The following GPAT3 variants were observed in gnomAD, a reference collection of about 807,000 sequenced individuals.
The protein encoded by GPAT3 is glycerol-3-phosphate acyltransferase 3.
GPAT3 carries 53 observed loss-of-function variants against 58.8 expected under a neutral mutation model. The observed-to-expected ratio is 0.90, with a 90% CI of 0.72 to 1.13. GPAT3 has a LOEUF of 1.13. Among genes scored for constraint, GPAT3 ranks in the 50% most tolerant of loss-of-function variants. GPAT3 has a pLI of 0.00. For missense variants in GPAT3, 511 were observed against 527.6 expected, an observed-to-expected ratio of 0.97 and a Z score of 0.31; for synonymous variants, 197 against 187.4, an observed-to-expected ratio of 1.05 and a Z score of -0.42.
chr4:83,575,066 T>C (rs1004946973), intron 2 of GPAT3, among the ~76,000 whole-genome samples: 11 of 151,676 alleles, frequency 7.3e-5, no homozygotes, highest in Non-Finnish European at 1.0e-4. Flanking sequence ...TTAGTAGAGG[T>C]GGGGTTTCAC....
intron 2 of GPAT3, 96 bp from the exon 3 acceptor site, chr4:83,581,466 G>T: frequency 7.6e-7 from 1 of 1,318,792 alleles, no homozygotes; most frequent in African/African-American, 1.5e-5. Flanking sequence ...TTATTTACTT[G>T]TTTGGCATAT....
intron 2 of GPAT3, among the ~76,000 whole-genome samples, chr4:83,548,013 T>C (rs1341597230): frequency 6.6e-6 from 1 of 152,190 alleles, no homozygotes; most frequent in East Asian, 1.9e-4. Context: ...CTTTTCCTCA[T>C]TGTTAACACA....
intron 8 of GPAT3, 71 bp from the exon 9 acceptor site, chr4:83,597,359 T>G: frequency 1.2e-6 from 1 of 825,936 alleles, no homozygotes; most frequent in Non-Finnish European, 1.7e-6. Context: ...TCAAAATAAT[T>G]TCTTTTAAAA....
intron 7 of GPAT3, 55 bp from the exon 8 acceptor site, chr4:83,596,803 G>T: frequency 7.3e-7 from 1 of 1,374,924 alleles, no homozygotes; most frequent in South Asian, 1.2e-5. Context: ...TATCAAAAAG[G>T]ACATCCACCT....
chr4:83,587,696 G>T (rs1357012945), intron 4 of GPAT3, among the ~76,000 whole-genome samples: 4 of 152,188 alleles, frequency 2.6e-5, no homozygotes, highest in Non-Finnish European at 5.9e-5. Flanking sequence ...AAAGTGCTGG[G>T]ATTACAGGTG....
At chr4:83,588,393 G>A in intron 5 of GPAT3, 94 bp downstream of exon 5, 1 of 1,199,580 alleles carries the variant, frequency 8.3e-7, no homozygotes, top group Non-Finnish European at 1.2e-6. Flanking sequence ...AGAAGTGGGT[G>A]GAGTCAGAGT....
At chr4:83,580,122 T>C (rs537934617) in intron 2 of GPAT3, among the ~76,000 whole-genome samples, 8 of 152,336 alleles carry the variant, frequency 5.3e-5, no homozygotes, top group Non-Finnish European at 8.8e-5. Context: ...TTGAAGACTT[T>C]CTCATTTTTT....
intron 2 of GPAT3, among the ~76,000 whole-genome samples, chr4:83,556,500 G>GA (rs1292753675): frequency 1.6e-3 from 205 of 127,638 alleles, no homozygotes; most frequent in African/African-American, 2.9e-3. Context: ...TCAGTCTCAA[G>GA]AAAAAAAAAA....
At chr4:83,604,115 AGGCT>A (rs1727167295) in intron 11 of GPAT3, among the ~76,000 whole-genome samples, 1 of 152,160 alleles carries the variant, frequency 6.6e-6, no homozygotes. Context: ...CTTGTTGCCC[AGGCT>A]GGAGTGCAAT....
chr4:83,588,441 C>A, intron 5 of GPAT3, 142 bp downstream of exon 5: 1 of 686,220 alleles, frequency 1.5e-6, no homozygotes. Context: ...CAGTGTGGCA[C>A]AGGCATGATG....
chr4:83,574,028 C>T (rs752546647), intron 2 of GPAT3, among the ~76,000 whole-genome samples: 4 of 152,114 alleles, frequency 2.6e-5, no homozygotes, highest in African/African-American at 4.8e-5. Flanking sequence ...CTTTCTATTT[C>T]ATGCTATTAC....
At chr4:83,549,101 T>C (rs781427980) in intron 2 of GPAT3, among the ~76,000 whole-genome samples, 3 of 150,296 alleles carry the variant, frequency 2.0e-5, no homozygotes, top group Non-Finnish European at 4.4e-5. Context: ...CCCAGATACT[T>C]GAGAGGCTGA....
intron 2 of GPAT3, 58 bp downstream of exon 2, chr4:83,544,660 T>C: frequency 1.3e-6 from 2 of 1,497,566 alleles, no homozygotes; most frequent in Non-Finnish European, 1.9e-6. Flanking sequence ...GATGTAAACC[T>C]ACCCAATTTG....
intron 2 of GPAT3, among the ~76,000 whole-genome samples, chr4:83,560,470 T>C (rs1465611662): frequency 6.6e-6 from 1 of 152,192 alleles, no homozygotes; most frequent in Non-Finnish European, 1.5e-5. Context: ...CATACGTACC[T>C]GCTCATTTCA....
chr4:83,536,959 G>A (rs1047690189), intron 1 of GPAT3, among the ~76,000 whole-genome samples, 196 bp downstream of exon 1: 1 of 152,224 alleles, frequency 6.6e-6, no homozygotes, highest in Non-Finnish European at 1.5e-5. Context: ...GAGGGATCTA[G>A]GCTGGAACCA....
chr4:83,579,078 C>CT lies in GPAT3; in HGVS notation c.209-2482dup, dbSNP rs1560621415. Among the ~76,000 whole-genome samples the CT allele has an allele frequency of 4.9e-3, 121 of 24,846 alleles. 7 individuals carry two copies. The highest frequency in any genetic ancestry group is 0.036 in the Middle Eastern group (1 of 28). 16.3% of individuals were successfully genotyped at this position (24,846 alleles called of 152,430 possible). On this transcript the variant is annotated intron_variant, in intron 2 of 11. Coordinates refer to ENST00000264409, the MANE Select transcript of GPAT3 (RefSeq NM_032717.5). Reference sequence around the variant, plus strand: ...TCTTTCTTTCTTTCTTTCTTTCTTTCTTCCCTTCCTTCCTTCCTTCCTTCC... The same window carrying CT: ...TCTTTCTTTCTTTCTTTCTTTCTTTCTTTCCCTTCCTTCCTTCCTTCCTTCC...
At chr4:83,546,469 A>G (rs565582497) in intron 2 of GPAT3, among the ~76,000 whole-genome samples, 148 of 152,074 alleles carry the variant, frequency 9.7e-4, no homozygotes, top group Non-Finnish European at 1.6e-3. Context: ...TCTTTGTCAA[A>G]TATCTGCTTT....
chr4:83,581,040 A>G (rs1726098015), intron 2 of GPAT3, among the ~76,000 whole-genome samples: 2 of 149,308 alleles, frequency 1.3e-5, no homozygotes, highest in South Asian at 2.1e-4. Context: ...AGCTTGCAGT[A>G]AGCTGAGATC....
chr4:83,594,970 G>A lies in GPAT3; in HGVS notation c.854+10G>A, dbSNP rs750284710. The stretch of plus-strand genomic sequence containing the variant: ...ACCTGGTTACTAAGAGGTAAGCAGT[G>A]AAATTACTCAGCATTCACTGGAGTA... On this transcript the variant is annotated intron_variant, in intron 7 of 11. Transcript: ENST00000264409. 14 of 1,610,200 alleles carry A rather than the reference G, an allele frequency of 8.7e-6. No individual in the cohort carries two copies. Among genetic ancestry groups the A allele is most frequent in the Non-Finnish European group, 1.2e-5 (14 of 1,176,776 alleles).
Sources: gnomAD v4.1 joint callset for allele counts (sites outside exome capture counted in the v4.1 genomes callset) on GRCh38, gnomAD v4.1.1 for gene constraint, MANE v1.5 for transcripts, NCBI Gene and HGNC (gene_info 2026-07-23, HGNC 2026-07-21) for gene names.